The following LY75 variants were observed in gnomAD, a reference collection of about 807,000 sequenced individuals.
The protein encoded by LY75 is lymphocyte antigen 75.
LY75 carries 185 observed loss-of-function variants against 231.7 expected under a neutral mutation model. That is an observed-to-expected ratio of 0.80 (90% CI 0.71 to 0.90). LY75 has a LOEUF of 0.90. LY75 is among the 40% of genes least tolerant of loss of function. The pLI, the probability that LY75 is intolerant of heterozygous loss-of-function variation, is 0.00. For synonymous variants in LY75, 668 were observed against 689.0 expected (o/e 0.97, Z 0.48); for missense variants, 1,947 against 2,050.2 (o/e 0.95, Z 0.97).
At position 159,876,536 on chromosome 2, in the gene LY75, G is replaced by A. The variant is rs549571149; in HGVS notation, c.1775-893C>T. ...TTCCCTGTTCAGTCCTTCTATCCACGGTGTGCCCATGATAGACCAAGTTGG... is the reference window on the plus strand; with the variant it reads ...TTCCCTGTTCAGTCCTTCTATCCACAGTGTGCCCATGATAGACCAAGTTGG... On this transcript the variant is annotated intron_variant, in intron 11 of 34. Transcript: ENST00000263636. Among the ~76,000 whole-genome samples the A allele has an allele frequency of 4.6e-5, 7 of 152,112 alleles. No individual in the cohort carries two copies. In the South Asian group the frequency reaches 8.3e-4, roughly 18 times the overall value.
intron 23 of LY75, among the ~76,000 whole-genome samples, chr2:159,847,646 T>C (rs1343108978): frequency 3.3e-5 from 5 of 152,232 alleles, no homozygotes; most frequent in African/African-American, 2.4e-5. Context: ...ATGTATGTGA[T>C]ACATTAGCAG....
At chr2:159,874,750 T>C (rs1164129174) in intron 12 of LY75, among the ~76,000 whole-genome samples, 2 of 85,870 alleles carry the variant, frequency 2.3e-5, no homozygotes, top group African/African-American at 7.9e-5. Context: ...AATATATATA[T>C]TTTGTAAATA....
At chr2:159,863,358 A>G (rs1290804843) in intron 14 of LY75, among the ~76,000 whole-genome samples, 1 of 152,006 alleles carries the variant, frequency 6.6e-6, no homozygotes, top group Non-Finnish European at 1.5e-5. Context: ...TCTATTTTTA[A>G]TTTTTTGAGG....
At chr2:159,870,134 G>GA (rs1201686972) in intron 13 of LY75, among the ~76,000 whole-genome samples, 2 of 152,274 alleles carry the variant, frequency 1.3e-5, no homozygotes, top group East Asian at 1.9e-4. Context: ...TCTCTAATGA[G>GA]AAAAACACAG....
intron 16 of LY75, among the ~76,000 whole-genome samples, chr2:159,857,611 G>A (rs1684586675): frequency 6.6e-6 from 1 of 152,066 alleles, no homozygotes. Context: ...GTGCGGTAGT[G>A]GGTGCCTGTA....
At chr2:159,819,982 A>G in intron 28 of LY75, 62 bp from the exon 29 acceptor site, 2 of 1,461,026 alleles carry the variant, frequency 1.4e-6, no homozygotes, top group Non-Finnish European at 9.1e-7. Flanking sequence ...TTACACTTAT[A>G]CAGTTAAGAT....
At chr2:159,814,275 C>T (rs1284189615) in intron 31 of LY75, among the ~76,000 whole-genome samples, 2 of 152,140 alleles carry the variant, frequency 1.3e-5, no homozygotes, top group African/African-American at 2.4e-5. Flanking sequence ...AGGCTCTTCC[C>T]TTAAACTTTA....
rs1203100526 is a variant in LY75 at position 159,845,572 on chromosome 2, T to G, written c.3151-3198A>C. On this transcript the variant is annotated intron_variant, in intron 23 of 34. Transcript: ENST00000263636. ...AAATTTTTTTTGTCTGTACTGAACA[T>G]GTAGACTTTTTTGTCATTATTCCCT... is the stretch of plus-strand genomic sequence containing the variant. 2.0e-5 allele frequency among the ~76,000 whole-genome samples: 3 copies of G among 151,892 alleles called. No individual in the cohort carries two copies. In the East Asian group the frequency reaches 5.8e-4, roughly 30 times the overall value.
intron 28 of LY75, among the ~76,000 whole-genome samples, chr2:159,821,746 C>A (rs1369418284): frequency 6.6e-6 from 1 of 152,118 alleles, no homozygotes; most frequent in African/African-American, 2.4e-5. Flanking sequence ...GGATTGCTGG[C>A]AAGATGGCCA....
chr2:159,838,490 G>C (rs139767981), intron 25 of LY75, among the ~76,000 whole-genome samples: 2 of 152,090 alleles, frequency 1.3e-5, no homozygotes, highest in Non-Finnish European at 2.9e-5. Context: ...CCAAAATATT[G>C]ATTGAATCAT....
rs1273954631 is a variant in LY75 at position 159,804,094 on chromosome 2, A to T, written c.*950T>A. On this transcript the variant is annotated 3_prime_UTR_variant, in exon 35 of 35. Coordinates refer to ENST00000263636, the MANE Select transcript of LY75 (RefSeq NM_002349.4). Reference sequence around the variant, plus strand: ...GGAAAATGTTAAGCACTAAATCTTTAAAAGTCATTGTTTTATAAACAATTA... The same window carrying T: ...GGAAAATGTTAAGCACTAAATCTTTTAAAGTCATTGTTTTATAAACAATTA... 1 of 152,262 alleles carries T rather than the reference A, an allele frequency of 6.6e-6. No homozygotes were observed. Among genetic ancestry groups the T allele is most frequent in the Non-Finnish European group, 1.5e-5 (1 of 68,050 alleles). 9.4% of individuals were successfully genotyped at this position (152,262 alleles called of 1,614,324 possible).
intron 32 of LY75, among the ~76,000 whole-genome samples, chr2:159,809,562 T>A (rs1192126188): frequency 6.6e-6 from 1 of 152,224 alleles, no homozygotes; most frequent in African/African-American, 2.4e-5. Flanking sequence ...TTTCTAAGCA[T>A]ATCTAGCTAT....
At chr2:159,830,869 G>A (rs947674266) in intron 28 of LY75, among the ~76,000 whole-genome samples, 1 of 152,002 alleles carries the variant, frequency 6.6e-6, no homozygotes, top group East Asian at 1.9e-4. Flanking sequence ...GGCGTGGGAC[G>A]CTACACCTGG....
intron 13 of LY75, among the ~76,000 whole-genome samples, chr2:159,869,445 G>T (rs1684947489): frequency 6.6e-6 from 1 of 152,154 alleles, no homozygotes; most frequent in South Asian, 2.1e-4. Context: ...TCGGAAGCTT[G>T]TTCATCAGCA....
Position 159,849,982 on chromosome 2 carries a change from T to A in LY75, c.3148A>T (p.Asn1050Tyr). Residue 1050 changes from asparagine (N) to tyrosine (Y), a missense_variant and splice_region_variant, in exon 23 of 35, where the codon AAT becomes TAT. By Grantham distance (143) the Asn-to-Tyr change is moderately radical (BLOSUM62 -2). Transcript: ENST00000263636. ...LVSGRLRIPENFFEEESRYHC... is the reference protein window; with the variant it reads ...LVSGRLRIPEYFFEEESRYHC... Reference sequence around the variant, plus strand: ...TATTGGTTTTTAAAAAAACTTACATTTTCTGGTATTCTCAGCCTCCCACTA... The same window carrying A: ...TATTGGTTTTTAAAAAAACTTACATATTCTGGTATTCTCAGCCTCCCACTA... 6.2e-7 allele frequency: 1 copy of A among 1,607,962 alleles called. No homozygotes were observed. The highest frequency in any genetic ancestry group is 8.5e-7 in the Non-Finnish European group (1 of 1,178,378).
chr2:159,840,593 G>A lies in LY75; in HGVS notation c.3507+136C>T, dbSNP rs146833336. On this transcript the variant is annotated intron_variant, in intron 25 of 34. Coordinates refer to ENST00000263636, the MANE Select transcript of LY75 (RefSeq NM_002349.4). ...TCTCAAAACAAAATTTAAAAACCCCGACATATTCCATGAAATTTACTGGAG... is the reference window on the plus strand; with the variant it reads ...TCTCAAAACAAAATTTAAAAACCCCAACATATTCCATGAAATTTACTGGAG... 4.0e-4 allele frequency: 548 copies of A among 1,353,848 alleles called. 1 individual carries two copies. The African/African-American group carries it at 6.5e-3, about 16-fold the overall frequency. The allele number at this position is 1,353,848 out of a possible 1,614,324, so 83.9% of individuals were successfully genotyped here.
At chr2:159,851,721 A>G (rs1160817003) in intron 21 of LY75, among the ~76,000 whole-genome samples, 1 of 152,224 alleles carries the variant, frequency 6.6e-6, no homozygotes, top group Non-Finnish European at 1.5e-5. Flanking sequence ...CTATTTAATC[A>G]TAAAACCCCC....
chr2:159,840,965 A>T lies in LY75; in HGVS notation c.3281-10T>A. The T allele has an allele frequency of 6.2e-7, 1 of 1,611,756 alleles. No individual in the cohort carries two copies. Among genetic ancestry groups the T allele is most frequent in the Non-Finnish European group, 8.5e-7 (1 of 1,179,376 alleles). ...TGTCTGCTTTTAACTTCTGCATGTA[A>T]AAGAAAACAACAACAACAACAAACC... On this transcript the variant is annotated splice_polypyrimidine_tract_variant and intron_variant, in intron 24 of 34. Transcript: ENST00000263636.
chr2:159,821,148 T>TAA (rs1418364864), intron 28 of LY75, among the ~76,000 whole-genome samples: 14 of 151,738 alleles, frequency 9.2e-5, no homozygotes, highest in Admixed American at 8.5e-4. Context: ...AGTCAATTGA[T>TAA]TTTTAAGAAG....
Sources: gnomAD v4.1 joint callset for allele counts (sites outside exome capture counted in the v4.1 genomes callset) on GRCh38, gnomAD v4.1.1 for gene constraint, MANE v1.5 for transcripts, NCBI Gene and HGNC (gene_info 2026-07-23, HGNC 2026-07-21) for gene names.